MYRIP: variants seen among roughly 807,000 people sequenced by gnomAD.
MYRIP encodes the protein myosin VIIA and Rab interacting protein, also known as rab effector MyRIP.
MYRIP carries 49 observed loss-of-function variants against 98.0 expected under a neutral mutation model. That is an observed-to-expected ratio of 0.50 (90% confidence interval 0.40 to 0.63). The LOEUF is 0.63. MYRIP is among the 30% of genes least tolerant of loss of function. The pLI is 0.00. For synonymous variants in MYRIP, 404 were observed against 409.5 expected (o/e 0.99, Z 0.16); for missense variants, 1,004 against 1,058.2 (o/e 0.95, Z 0.71).
intron 11 of MYRIP, among the ~76,000 whole-genome samples, chr3:40,222,490 G>T (rs1265737938): frequency 6.6e-6 from 1 of 152,054 alleles, no homozygotes; most frequent in Non-Finnish European, 1.5e-5. Flanking sequence ...ACAATTAAGT[G>T]GGTAAATTTC....
At chr3:40,212,714 C>T (rs1490690477) in intron 11 of MYRIP, among the ~76,000 whole-genome samples, 2 of 152,072 alleles carry the variant, frequency 1.3e-5, no homozygotes, top group East Asian at 3.9e-4. Flanking sequence ...CACTGGACTC[C>T]AGCCTGGGTG....
chr3:40,209,842 G>C lies in MYRIP; in HGVS notation c.1666-12G>C, dbSNP rs1213786895. ...GAGGGCTCCTCATCTCATGATTCTG[G>C]CTTTCATTTAGGTGTCGGATGATTT... On this transcript the variant is annotated splice_polypyrimidine_tract_variant and intron_variant, in intron 10 of 16. Coordinates refer to ENST00000302541, the MANE Select transcript of MYRIP (RefSeq NM_015460.4). The C allele has an allele frequency of 3.7e-6, 6 of 1,613,712 alleles. No individual in the cohort carries two copies. Among genetic ancestry groups the C allele is most frequent in the Non-Finnish European group, 5.1e-6 (6 of 1,179,758 alleles).
At chr3:39,828,296 A>T (rs914354980) in intron 1 of MYRIP, among the ~76,000 whole-genome samples, 1 of 150,726 alleles carries the variant, frequency 6.6e-6, no homozygotes, top group Non-Finnish European at 1.5e-5. Context: ...TTTCTCTCTC[A>T]TTTTTTTGTC....
intron 2 of MYRIP, among the ~76,000 whole-genome samples, chr3:39,954,315 C>A (rs773596720): frequency 2.0e-5 from 3 of 152,122 alleles, no homozygotes; most frequent in Non-Finnish European, 4.4e-5. Context: ...CGAGATGAAG[C>A]TTCCAGAGGA....
intron 1 of MYRIP, among the ~76,000 whole-genome samples, chr3:39,838,392 T>C (rs1326369423): frequency 2.0e-5 from 3 of 152,244 alleles, no homozygotes; most frequent in African/African-American, 7.2e-5. Flanking sequence ...CATTAATGCC[T>C]AGTTTATTGG....
chr3:39,980,133 G>T (rs1172508382), intron 2 of MYRIP, among the ~76,000 whole-genome samples: 1 of 148,018 alleles, frequency 6.8e-6, no homozygotes, highest in Admixed American at 6.7e-5. Flanking sequence ...AGGAGTTCGG[G>T]TACATATGAC....
intron 1 of MYRIP, among the ~76,000 whole-genome samples, chr3:39,830,411 A>G (rs1273010266): frequency 6.6e-6 from 1 of 151,950 alleles, no homozygotes; most frequent in Admixed American, 6.6e-5. Context: ...GTACTCTCTT[A>G]TTCTCTTCAT....
At chr3:40,179,549 G>C (rs767467225) in intron 8 of MYRIP, among the ~76,000 whole-genome samples, 10 of 152,204 alleles carry the variant, frequency 6.6e-5, no homozygotes, top group Non-Finnish European at 1.5e-4. Context: ...CTTGTATTCA[G>C]TGATTTACAG....
chr3:40,135,367 G>C (rs1195733698), intron 3 of MYRIP, among the ~76,000 whole-genome samples: 2 of 152,194 alleles, frequency 1.3e-5, no homozygotes, highest in African/African-American at 2.4e-5. Flanking sequence ...AAGCCTCCAA[G>C]AAATATGGGA....
rs906960220 is a variant in MYRIP at position 39,957,232 on chromosome 3, G to T, written c.110+56306G>T. Reference sequence around the variant, plus strand: ...CCTGACAGGGACACACCAAAAAAGAGAATTTTAGACCAATATCCCTGATGA... The same window carrying T: ...CCTGACAGGGACACACCAAAAAAGATAATTTTAGACCAATATCCCTGATGA... On this transcript the variant is annotated intron_variant, in intron 2 of 16. Transcript: ENST00000302541. 2.0e-4 allele frequency among the ~76,000 whole-genome samples: 30 copies of T among 151,612 alleles called. 2 individuals are homozygous for T. Among genetic ancestry groups the T allele is most frequent in the African/African-American group, 7.3e-4 (30 of 41,016 alleles).
At chr3:39,941,806 T>C (rs1944792296) in intron 2 of MYRIP, among the ~76,000 whole-genome samples, 1 of 152,094 alleles carries the variant, frequency 6.6e-6, no homozygotes, top group African/African-American at 2.4e-5. Context: ...TCCTCATATA[T>C]TATAAAATTT....
rs569445688 is a variant in MYRIP, at chr3:40,082,934, G to A, written c.332+38663G>A. Among the ~76,000 whole-genome samples, 80 of 152,198 alleles carry A rather than the reference G, an allele frequency of 5.3e-4. 1 individual carries two copies. In the South Asian group the frequency reaches 8.1e-3, roughly 15 times the overall value. The stretch of plus-strand genomic sequence containing the variant: ...ATCAAGGCTTCTACCCGTAAAATAG[G>A]CCAGAATAATATTGGATCATTCGAG... On this transcript the variant is annotated intron_variant, in intron 3 of 16. Coordinates refer to ENST00000302541, the MANE Select transcript of MYRIP (RefSeq NM_015460.4).
chr3:39,826,027 A>G (rs539323814), intron 1 of MYRIP, among the ~76,000 whole-genome samples: 1 of 151,936 alleles, frequency 6.6e-6, no homozygotes, highest in South Asian at 2.1e-4. Flanking sequence ...CCATTGTGAC[A>G]TCTTTTTTGT....
intron 10 of MYRIP, among the ~76,000 whole-genome samples, 162 bp downstream of exon 10, chr3:40,190,625 C>A (rs1951181757): frequency 6.6e-6 from 1 of 152,116 alleles, no homozygotes; most frequent in African/African-American, 2.4e-5. Context: ...CAGGTCACAT[C>A]AACTCTTTGG....
chr3:39,969,109 T>G (rs1420654209), intron 2 of MYRIP, among the ~76,000 whole-genome samples: 4 of 152,206 alleles, frequency 2.6e-5, no homozygotes, highest in Non-Finnish European at 5.9e-5. Context: ...CTTGCCTTTT[T>G]GATTTGGTGC....
chr3:40,218,580 T>TACACACACACACAC (rs775687543), intron 11 of MYRIP, among the ~76,000 whole-genome samples: 18 of 14,940 alleles, frequency 1.2e-3, no homozygotes, highest in South Asian at 3.8e-3. Context: ...CATACACATT[T>TACACACACACACAC]ACACACACAC....
chr3:39,891,138 G>A (rs1417388432), intron 1 of MYRIP, among the ~76,000 whole-genome samples: 4 of 151,940 alleles, frequency 2.6e-5, no homozygotes, highest in African/African-American at 4.8e-5. Flanking sequence ...CAATATAAGG[G>A]AGAAATACTG....
In MYRIP at chr3:39,950,805, C is replaced by T. The variant is rs115447787; in HGVS notation, c.110+49879C>T. ...TCTATATTATATGCTATTTGTCATT[C>T]ATTTTCACTTACTTTTTAAATAGTT... On this transcript the variant is annotated intron_variant, in intron 2 of 16. Transcript: ENST00000302541. Among the ~76,000 whole-genome samples the T allele has an allele frequency of 3.3e-3, 506 of 152,258 alleles. 5 individuals carry two copies. Among genetic ancestry groups the T allele is most frequent in the African/African-American group, 0.011 (464 of 41,550 alleles).
chr3:40,250,404 G>A lies in MYRIP; in HGVS notation c.2368-35G>A, dbSNP rs182882961. 832 of 1,613,298 alleles carry A rather than the reference G, an allele frequency of 5.2e-4. 6 individuals are homozygous for A. In the African/African-American group the frequency reaches 9.9e-3, roughly 19 times the overall value. On this transcript the variant is annotated intron_variant, in intron 14 of 16. Transcript: ENST00000302541. ...TAGAAGACAAAATATCTTTGGCTCT[G>A]CAAAGGTATATTGCTCATTGTGTTC...
Sources: gnomAD v4.1 joint callset for allele counts (sites outside exome capture counted in the v4.1 genomes callset) on GRCh38, gnomAD v4.1.1 for gene constraint, MANE v1.5 for transcripts, NCBI Gene and HGNC (gene_info 2026-07-23, HGNC 2026-07-21) for gene names.